GON4L: variants seen among roughly 807,000 people sequenced by gnomAD.
GON4L encodes gon-4 like, also known as GON-4-like protein.
Under a neutral mutation model 211.8 loss-of-function variants are expected in GON4L, and 87 were observed. That is an observed-to-expected ratio of 0.41 (90% CI 0.35 to 0.49). The LOEUF (loss-of-function observed/expected upper bound fraction) is 0.49. Among genes scored for constraint, GON4L ranks in the 20% least tolerant of loss-of-function variants. GON4L has a pLI of 0.15. For synonymous variants in GON4L, 875 were observed against 962.6 expected (o/e 0.91, Z 1.68); for missense variants, 2,155 against 2,659.5 (o/e 0.81, Z 4.17).
At chr1:155,748,493 G>C, downstream of GON4L, 1 of 1,613,550 alleles carries the variant, frequency 6.2e-7, no homozygotes, top group African/African-American at 1.3e-5. Flanking sequence ...AGTTTCCATG[G>C]TTCATCTGGC....
intron 2 of GON4L, among the ~76,000 whole-genome samples, chr1:155,833,904 TGC>T: frequency 6.6e-6 from 1 of 152,064 alleles, no homozygotes; most frequent in Middle Eastern, 3.4e-3. Flanking sequence ...CAGAGCTCAC[TGC>T]AACCTTGAAC....
At chr1:155,840,759 G>A (rs1465656690) in intron 2 of GON4L, among the ~76,000 whole-genome samples, 1 of 152,138 alleles carries the variant, frequency 6.6e-6, no homozygotes, top group African/African-American at 2.4e-5. Flanking sequence ...TAGGACGGGC[G>A]CAGTTGATCA....
At chr1:155,803,786 G>C (rs1450232204) in intron 11 of GON4L, among the ~76,000 whole-genome samples, 1 of 152,166 alleles carries the variant, frequency 6.6e-6, no homozygotes, top group Admixed American at 6.6e-5. Context: ...GGAGCTTGCA[G>C]GGGAGAGTCC....
intron 14 of GON4L, among the ~76,000 whole-genome samples, chr1:155,782,381 T>C (rs1006530913): frequency 4.6e-5 from 7 of 152,214 alleles, no homozygotes; most frequent in Non-Finnish European, 1.0e-4. Context: ...CATACATATG[T>C]ACTTACCATT....
intron 18 of GON4L, among the ~76,000 whole-genome samples, chr1:155,771,929 C>A (rs1026395805): frequency 2.0e-5 from 3 of 152,128 alleles, no homozygotes; most frequent in South Asian, 4.2e-4. Context: ...TTTGGGATGC[C>A]GAAGCAGGCA....
Position 155,760,513 on chromosome 1 carries a change from T to C in GON4L, c.5040A>G (p.Gln1680=), listed in dbSNP as rs1336099729. 4 of 1,613,844 alleles carry C rather than the reference T, an allele frequency of 2.5e-6. No homozygotes were observed. The East Asian group carries it at 6.7e-5, about 27-fold the overall frequency. ...DLYKSLQILL[Q]DWPQLLKDFA... is the part of the protein sequence containing the mutation. ...AGTCTTTCAACAGCTGAGGCCAGTC[T>C]TGGAGCAGAATTTGCAGGCTTTTGT... Residue 1680 remains glutamine (Q), a synonymous_variant, in exon 24 of 32, where the codon CAA becomes CAG. Transcript: ENST00000368331.
intron 12 of GON4L, among the ~76,000 whole-genome samples, chr1:155,785,642 A>G (rs572859687): frequency 3.6e-4 from 54 of 152,102 alleles, no homozygotes; most frequent in Non-Finnish European, 7.1e-4. Flanking sequence ...GACGCATGCC[A>G]CCATGCCTGG....
rs201783720 is a variant in GON4L at position 155,826,988 on chromosome 1, C to A, written c.546G>T (p.Leu182=). The A allele has an allele frequency of 2.5e-6, 4 of 1,614,026 alleles. No individual in the cohort carries two copies. The East Asian group carries it at 8.9e-5, about 36-fold the overall frequency. The stretch of plus-strand genomic sequence containing the variant: ...GTTTTGCAGATTGGCTGCCTGATGG[C>A]AGGGAAGGTATCTCCCCTTCAGAAT... The part of the protein sequence containing the change: ...QMNSEGEIPS[L]PSGSQSAKPV... The change falls in exon 3 of 32, where the codon CTG becomes CTT. Residue 182 remains leucine (L), a synonymous_variant. Coordinates refer to ENST00000368331, the MANE Select transcript of GON4L (RefSeq NM_001282860.2).
chr1:155,853,603 C>A lies in GON4L; in HGVS notation c.178G>T (p.Glu60Ter). Residue 60 changes from glutamate to a stop codon, truncating the protein, a stop_gained, in exon 2 of 32, where the codon GAA becomes TAA. Transcript: ENST00000368331. LOFTEE classifies it high-confidence loss of function. The part of the protein sequence containing the change: ...DPSHGRVAGF[E>*]VQSLQDAGNQ... ...CCTGCATCCTGCAAAGACTGTACTT[C>A]GAAGCCAGCTACTCTGCCATGACTT... is the stretch of plus-strand genomic sequence containing the variant. 1 of 1,614,156 alleles carries A rather than the reference C, an allele frequency of 6.2e-7. No homozygotes were observed. The highest frequency in any genetic ancestry group is 8.5e-7 in the Non-Finnish European group (1 of 1,179,994).
At chr1:155,814,254 A>C in intron 9 of GON4L, 76 bp downstream of exon 9, 1 of 1,352,242 alleles carries the variant, frequency 7.4e-7, no homozygotes, top group Non-Finnish European at 1.1e-6. Flanking sequence ...ACCATGGATA[A>C]ATAATCTACT....
At chr1:155,750,811 T>A (rs763468954) in intron 31 of GON4L, 78 bp from the exon 32 acceptor site, 53 of 1,349,008 alleles carry the variant, frequency 3.9e-5, no homozygotes, top group Non-Finnish European at 5.4e-5. Flanking sequence ...TTGCTGAGAC[T>A]GGAGTGCAGT....
At chr1:155,851,829 G>A (rs924164412) in intron 2 of GON4L, among the ~76,000 whole-genome samples, 6 of 152,010 alleles carry the variant, frequency 3.9e-5, no homozygotes, top group Non-Finnish European at 7.4e-5. Context: ...GCCTTGGTAT[G>A]AAAAACAAAA....
chr1:155,765,096 T>C lies in GON4L; in HGVS notation c.4377A>G (p.Glu1459=), dbSNP rs768046752. ...ETGGEKNGPE[E]EEEEDFDDLT... is the part of the protein sequence containing the mutation. ...GGTCATCAAAGTCCTCTTCTTCCTC[T>C]TCTTCTGGCCCATTCTTCTCTCCTC... is the stretch of plus-strand genomic sequence containing the variant. Residue 1459 remains glutamate, a synonymous_variant, in exon 21 of 32, where the codon GAA becomes GAG. Transcript: ENST00000368331. 1.8e-5 allele frequency: 29 copies of C among 1,614,092 alleles called. No individual in the cohort carries two copies. The South Asian group carries it at 3.0e-4, about 16-fold the overall frequency.
chr1:155,845,817 C>A, intron 2 of GON4L: 1 of 247,636 alleles, frequency 4.0e-6, no homozygotes. Context: ...GGAACTTCAG[C>A]CTTGAAAACA....
Position 155,780,717 on chromosome 1 carries a change from C to T in GON4L, c.1893-2897G>A, listed in dbSNP as rs143371122. ...AGGGCTGAAGCAAAAACTGAAAAAC[C>T]CAGCATGACAGTTCTGAAGTAAAAG... On this transcript the variant is annotated intron_variant, in intron 14 of 31. Coordinates refer to ENST00000368331, the MANE Select transcript of GON4L (RefSeq NM_001282860.2). Among the ~76,000 whole-genome samples the T allele has an allele frequency of 1.9e-3, 286 of 152,216 alleles. 2 individuals are homozygous for T. In the East Asian group the frequency reaches 0.033, roughly 18 times the overall value.
chr1:155,853,211 T>A (rs822491), intron 2 of GON4L, 65 bp downstream of exon 2: 1 of 1,309,706 alleles, frequency 7.6e-7, no homozygotes, highest in Non-Finnish European at 1.1e-6. Context: ...TGTAAAGGTA[T>A]CCAGAAATAG....
chr1:155,752,670 A>G (rs1660728019), intron 29 of GON4L, 80 bp from the exon 30 acceptor site: 2 of 1,544,756 alleles, frequency 1.3e-6, no homozygotes, highest in East Asian at 4.9e-5. Context: ...GTGGCCAGGT[A>G]CTGTGCAAAA....
intron 12 of GON4L, among the ~76,000 whole-genome samples, chr1:155,792,649 A>G (rs747970739): frequency 1.5e-4 from 23 of 152,242 alleles, no homozygotes; most frequent in Non-Finnish European, 2.9e-4. Context: ...TAACAATCAA[A>G]AAGGGAAGGC....
Position 155,784,035 on chromosome 1 carries a change from C to T in GON4L, c.1843G>A (p.Glu615Lys), listed in dbSNP as rs949666213. The change falls in exon 14 of 32, where the codon GAG becomes AAG. Residue 615 changes from glutamate to lysine, a missense_variant. By Grantham distance (56) the Glu-to-Lys change is moderately conservative. Transcript: ENST00000368331. ...NMEDDGPEEE[E>K]CVAEPRPNFN... ...TTAGGACGAGGCTCAGCTACACACTCCTCCTCTTCTGGGCCATCATCTTCC... is the reference window on the plus strand; with the variant it reads ...TTAGGACGAGGCTCAGCTACACACTTCTCCTCTTCTGGGCCATCATCTTCC... The T allele has an allele frequency of 1.9e-6, 3 of 1,613,940 alleles. No homozygotes were observed. The African/African-American group carries it at 4.0e-5, about 22-fold the overall frequency.
Sources: allele counts gnomAD v4.1 joint callset (sites outside exome capture counted in the v4.1 genomes callset), GRCh38; gene constraint gnomAD v4.1.1; transcripts MANE v1.5; gene names NCBI Gene and HGNC (gene_info 2026-07-23, HGNC 2026-07-21).